HERC4: variants seen among roughly 807,000 people sequenced by gnomAD.
HERC4 encodes probable E3 ubiquitin-protein ligase HERC4.
In HERC4, 28 loss-of-function variants were observed where a neutral mutation model predicts 124.3. The observed-to-expected ratio is 0.23, with a 90% CI of 0.17 to 0.31. The LOEUF is 0.31. Among genes scored for constraint, HERC4 ranks in the 10% least tolerant of loss-of-function variants. The pLI is 1.00. For missense variants in HERC4, 713 were observed against 1,229.3 expected (o/e 0.58, Z 6.28); for synonymous variants, 407 against 421.5 (o/e 0.97, Z 0.42).
At chr10:67,936,006 G>A in intron 22 of HERC4, 147 bp downstream of exon 22, 1 of 495,404 alleles carries the variant, frequency 2.0e-6, no homozygotes, top group South Asian at 3.9e-5. Flanking sequence ...GATTTCAGGA[G>A]GAAAAGGCAG....
intron 5 of HERC4, among the ~76,000 whole-genome samples, chr10:68,036,315 C>A (rs1341380398): frequency 2.8e-5 from 4 of 143,548 alleles, no homozygotes; most frequent in African/African-American, 5.1e-5. Context: ...GAGACTCCAT[C>A]TCAAAAAAAA....
At chr10:67,968,216 G>C (rs952019594) in intron 15 of HERC4, among the ~76,000 whole-genome samples, 2 of 152,024 alleles carry the variant, frequency 1.3e-5, no homozygotes, top group Non-Finnish European at 2.9e-5. Flanking sequence ...GAATCCAGAG[G>C]ACGAAGCCCC....
chr10:68,073,140 T>A lies in HERC4; in HGVS notation c.-32A>T. 6.3e-7 allele frequency: 1 copy of A among 1,575,942 alleles called. No individual in the cohort carries two copies. Among genetic ancestry groups the A allele is most frequent in the Non-Finnish European group, 8.7e-7 (1 of 1,155,802 alleles). On this transcript the variant is annotated 5_prime_UTR_variant, in exon 3 of 25. Coordinates refer to ENST00000373700, the MANE Select transcript of HERC4 (RefSeq NM_015601.4). ...AATTATTTTGGTCTTCCAGTTTCAA[T>A]AAAAAATTCTCTTCTGAAACCCCGG...
chr10:67,927,684 C>G (rs1186410217), intron 23 of HERC4, among the ~76,000 whole-genome samples: 1 of 152,046 alleles, frequency 6.6e-6, no homozygotes, highest in African/African-American at 2.4e-5. Context: ...CTCAGCCTCC[C>G]AAAGTGCTGG....
intron 4 of HERC4, chr10:68,040,188 A>G (rs553448076): frequency 1.7e-5 from 17 of 982,564 alleles, no homozygotes; most frequent in Non-Finnish European, 2.1e-5. Context: ...TTGCATAGCA[A>G]TTTATACTCA....
intron 22 of HERC4, among the ~76,000 whole-genome samples, chr10:67,933,089 C>A (rs1244949477): frequency 6.6e-6 from 1 of 152,050 alleles, no homozygotes; most frequent in Non-Finnish European, 1.5e-5. Context: ...AAAATATTTA[C>A]AAGTTATTGA....
At chr10:67,930,021 G>C (rs1438215984) in intron 23 of HERC4, among the ~76,000 whole-genome samples, 1 of 152,050 alleles carries the variant, frequency 6.6e-6, no homozygotes, top group Non-Finnish European at 1.5e-5. Flanking sequence ...GGTCAGGGTG[G>C]TCTTGAACTC....
chr10:68,040,766 G>A (rs1383681840), intron 4 of HERC4, among the ~76,000 whole-genome samples: 1 of 151,930 alleles, frequency 6.6e-6, no homozygotes, highest in African/African-American at 2.4e-5. Context: ...ACAGGCGCCT[G>A]TAGTCCCAGC....
intron 7 of HERC4, among the ~76,000 whole-genome samples, chr10:68,029,716 T>C (rs1183646222): frequency 6.7e-6 from 1 of 148,366 alleles, no homozygotes; most frequent in Non-Finnish European, 1.5e-5. Context: ...ATAATTTACA[T>C]ATAATTTTTA....
At chr10:68,056,326 C>T (rs1455057132) in intron 3 of HERC4, among the ~76,000 whole-genome samples, 1 of 152,142 alleles carries the variant, frequency 6.6e-6, no homozygotes, top group Admixed American at 6.6e-5. Flanking sequence ...TAAGACACAA[C>T]CAATAAAATA....
chr10:67,941,858 A>T (rs1298426423), intron 19 of HERC4, among the ~76,000 whole-genome samples: 2 of 151,528 alleles, frequency 1.3e-5, no homozygotes, highest in Non-Finnish European at 2.9e-5. Flanking sequence ...GTTTCACCAT[A>T]TTGGTCAGGC....
Position 68,037,897 on chromosome 10 carries a change from A to AGT in HERC4, c.463+194_463+195dup, listed in dbSNP as rs199617697. Among the ~76,000 whole-genome samples the AGT allele has an allele frequency of 1.1e-4, 16 of 151,606 alleles. No individual in the cohort carries two copies. In the South Asian group the frequency reaches 2.5e-3, roughly 24 times the overall value. On this transcript the variant is annotated intron_variant, in intron 5 of 24. Coordinates refer to ENST00000373700, the MANE Select transcript of HERC4 (RefSeq NM_015601.4). ...GACAACAAAATCCCAAATTCCTAGC[A>AGT]GTGTGTGTGTGTGTTTGTGTGTGTA...
At position 67,992,283 on chromosome 10, in the gene HERC4, G is replaced by C; in HGVS notation, c.1187C>G (p.Thr396Arg). 6.2e-7 allele frequency: 1 copy of C among 1,613,922 alleles called. No homozygotes were observed. ...PPDDFRCPNPTKQIWTVNEAL... is the reference protein window; with the variant it reads ...PPDDFRCPNPRKQIWTVNEAL... ...TTCATTCACTGTCCAGATCTGCTTT[G>C]TCGGATTGGGACATCTGAAGTCATC... is the stretch of plus-strand genomic sequence containing the variant. Residue 396 changes from threonine to arginine, a missense_variant, in exon 11 of 25, where the codon ACA (threonine) becomes AGA (arginine). By Grantham distance (71) the Thr-to-Arg change is moderately conservative. Transcript: ENST00000373700.
intron 23 of HERC4, among the ~76,000 whole-genome samples, chr10:67,927,379 CATATATATATATATATATATAT>C (rs768914387): frequency 2.3e-4 from 20 of 88,018 alleles, no homozygotes; most frequent in African/African-American, 6.8e-4. Flanking sequence ...ATAAATACAC[CATATATATATATATATATATAT>C]ATATATATAT....
intron 3 of HERC4, among the ~76,000 whole-genome samples, chr10:68,071,126 C>T (rs1326547729): frequency 6.6e-6 from 1 of 151,524 alleles, no homozygotes; most frequent in African/African-American, 2.5e-5. Flanking sequence ...AAGAGGTATC[C>T]CAAATTAGGG....
At chr10:68,009,285 C>CT (rs2037785146) in intron 9 of HERC4, among the ~76,000 whole-genome samples, 3 of 150,584 alleles carry the variant, frequency 2.0e-5, no homozygotes, top group Admixed American at 6.6e-5. Context: ...GTTGGTTTTT[C>CT]TTTTTTTTCT....
intron 5 of HERC4, 72 bp downstream of exon 5, chr10:68,038,021 G>A (rs2039568481): frequency 6.2e-6 from 5 of 806,630 alleles, no homozygotes; most frequent in Non-Finnish European, 1.0e-5. Flanking sequence ...CAAAGCTGGA[G>A]AACTATATGC....
intron 15 of HERC4, among the ~76,000 whole-genome samples, chr10:67,974,506 T>C (rs1379959166): frequency 1.3e-5 from 2 of 152,154 alleles, no homozygotes; most frequent in Non-Finnish European, 2.9e-5. Context: ...AGTAAATATA[T>C]AAATCTAACC....
At chr10:68,040,676 G>T (rs908960568) in intron 4 of HERC4, 2 of 159,448 alleles carry the variant, frequency 1.3e-5, no homozygotes, top group Admixed American at 6.5e-5. Context: ...AGATCATAAG[G>T]TAAGGAGTTC....
Sources: allele counts gnomAD v4.1 joint callset (sites outside exome capture counted in the v4.1 genomes callset), GRCh38; gene constraint gnomAD v4.1.1; transcripts MANE v1.5; gene names NCBI Gene and HGNC (gene_info 2026-07-23, HGNC 2026-07-21).